Variants in BCKDHB observed in about 807,000 individuals in gnomAD.
The protein encoded by BCKDHB is branched chain keto acid dehydrogenase E1 subunit beta, also known as 2-oxoisovalerate dehydrogenase subunit beta, mitochondrial.
In BCKDHB, 41 loss-of-function variants were observed where a neutral mutation model predicts 48.5. The ratio of observed to expected loss-of-function variants is 0.85; its 90% CI spans 0.66 to 1.10. BCKDHB has a LOEUF of 1.10. BCKDHB is among the 50% of genes least tolerant of loss of function. The pLI is 0.00. For synonymous variants in BCKDHB, 201 were observed against 174.8 expected (o/e 1.15, Z -1.18); for missense variants, 496 against 494.2 (o/e 1.00, Z -0.03).
At chr6:80,348,531 A>G (rs1157351303), downstream of BCKDHB, among the ~76,000 whole-genome samples, 1 of 152,236 alleles carries the variant, frequency 6.6e-6, no homozygotes, top group Non-Finnish European at 1.5e-5. Context: ...GCCCTGATCC[A>G]GACCCAGCCA....
chr6:80,168,377 C>A (rs1772684068), intron 4 of BCKDHB, among the ~76,000 whole-genome samples: 1 of 123,384 alleles, frequency 8.1e-6, no homozygotes, highest in South Asian at 2.7e-4. Flanking sequence ...AAGGGAAAGA[C>A]AAGACCCTGT....
chr6:80,199,772 A>T (rs1488894927), intron 6 of BCKDHB, among the ~76,000 whole-genome samples: 9 of 31,348 alleles, frequency 2.9e-4, no homozygotes, highest in African/African-American at 8.3e-4. Flanking sequence ...ACTCTGTCTC[A>T]AAAAAAAAAA....
At chr6:80,269,280 T>A (rs1205952137) in intron 8 of BCKDHB, among the ~76,000 whole-genome samples, 1 of 152,138 alleles carries the variant, frequency 6.6e-6, no homozygotes, top group African/African-American at 2.4e-5. Context: ...ATGCCGTGTG[T>A]ACGGAGCTGG....
the BCKDHB span, among the ~76,000 whole-genome samples, chr6:80,397,245 G>T: frequency 6.6e-6 from 1 of 152,114 alleles, no homozygotes; most frequent in South Asian, 2.1e-4. Context: ...ACTTTTTAAG[G>T]GTATTTGGAG....
chr6:80,192,972 C>T (rs1442238518), intron 6 of BCKDHB, among the ~76,000 whole-genome samples: 1 of 151,918 alleles, frequency 6.6e-6, no homozygotes, highest in Non-Finnish European at 1.5e-5. Context: ...GCACGTGCCA[C>T]CATGCCTGGC....
chr6:80,254,818 G>C lies in BCKDHB; in HGVS notation c.952-18317G>C, dbSNP rs944416216. On this transcript the variant is annotated intron_variant, in intron 8 of 9. Coordinates refer to ENST00000320393, the MANE Select transcript of BCKDHB (RefSeq NM_183050.4). Reference sequence around the variant, plus strand: ...AGATGATTTCCCTCTCAGAGTCTCTGATAAGGAAACAACTCTGTTGACAGC... The same window carrying C: ...AGATGATTTCCCTCTCAGAGTCTCTCATAAGGAAACAACTCTGTTGACAGC... Among the ~76,000 whole-genome samples the C allele has an allele frequency of 1.3e-5, 2 of 152,214 alleles. 1 individual carries two copies. Among genetic ancestry groups the C allele is most frequent in the Admixed American group, 1.3e-4 (2 of 15,282 alleles).
chr6:80,311,303 C>T (rs990470395), intron 9 of BCKDHB, among the ~76,000 whole-genome samples: 2 of 152,152 alleles, frequency 1.3e-5, no homozygotes, highest in Non-Finnish European at 2.9e-5. Context: ...TTGTAAATTG[C>T]CCAGTCTCGG....
chr6:80,113,263 C>T (rs1466616696), intron 1 of BCKDHB, among the ~76,000 whole-genome samples: 2 of 152,244 alleles, frequency 1.3e-5, no homozygotes, highest in Admixed American at 6.5e-5. Context: ...CTCCTTCCCC[C>T]TCCTGGTATG....
chr6:80,285,418 G>A (rs564147716), intron 9 of BCKDHB, among the ~76,000 whole-genome samples: 87 of 152,108 alleles, frequency 5.7e-4, no homozygotes, highest in African/African-American at 1.8e-3. Flanking sequence ...AATAAAACCC[G>A]TGTACTTTAT....
At chr6:80,110,451 A>G (rs1041550389) in intron 1 of BCKDHB, among the ~76,000 whole-genome samples, 6 of 152,184 alleles carry the variant, frequency 3.9e-5, no homozygotes, top group Admixed American at 1.3e-4. Flanking sequence ...ATACTGGAGT[A>G]TACTCCCATT....
intron 9 of BCKDHB, among the ~76,000 whole-genome samples, chr6:80,293,907 T>G (rs1767077069): frequency 1.3e-5 from 2 of 152,138 alleles, no homozygotes; most frequent in Admixed American, 1.3e-4. Flanking sequence ...TTTACACCAT[T>G]TCCCAACAAG....
intron 8 of BCKDHB, among the ~76,000 whole-genome samples, chr6:80,270,145 T>C (rs944829301): frequency 6.6e-6 from 1 of 152,120 alleles, no homozygotes; most frequent in African/African-American, 2.4e-5. Context: ...TTGTGAATGA[T>C]AAAAAGCATA....
chr6:80,422,172 G>T, the BCKDHB span, among the ~76,000 whole-genome samples: 66 of 152,268 alleles, frequency 4.3e-4, no homozygotes, highest in African/African-American at 1.5e-3. Flanking sequence ...TCCATCCCCA[G>T]TCCTGGCTAA....
intron 8 of BCKDHB, among the ~76,000 whole-genome samples, chr6:80,211,811 T>C (rs1774946694): frequency 6.6e-6 from 1 of 152,174 alleles, no homozygotes; most frequent in African/African-American, 2.4e-5. Flanking sequence ...AGAGGACTTT[T>C]ACAGCTGGGC....
At chr6:80,240,070 T>G (rs1325652012) in intron 8 of BCKDHB, among the ~76,000 whole-genome samples, 7 of 152,208 alleles carry the variant, frequency 4.6e-5, no homozygotes, top group Non-Finnish European at 1.0e-4. Context: ...TGCTTAGAAT[T>G]GTCTTGGGAA....
At chr6:80,419,833 TA>T in the BCKDHB span, among the ~76,000 whole-genome samples, 1 of 152,192 alleles carries the variant, frequency 6.6e-6, no homozygotes, top group African/African-American at 2.4e-5. Context: ...CTCTTTTAAT[TA>T]TTTTTTTTCT....
At chr6:80,404,199 C>T in the BCKDHB span, among the ~76,000 whole-genome samples, 1 of 151,880 alleles carries the variant, frequency 6.6e-6, no homozygotes, top group Non-Finnish European at 1.5e-5. Context: ...GCCAACAGAT[C>T]CTAGTCTTTC....
At chr6:80,439,272 C>T in the BCKDHB span, among the ~76,000 whole-genome samples, 4 of 152,016 alleles carry the variant, frequency 2.6e-5, no homozygotes, top group Non-Finnish European at 5.9e-5. Flanking sequence ...GGAACTCAGT[C>T]GCATTTACTA....
the BCKDHB span, among the ~76,000 whole-genome samples, chr6:80,455,180 G>A: frequency 6.6e-6 from 1 of 152,124 alleles, no homozygotes; most frequent in African/African-American, 2.4e-5. Context: ...GAGAGGAAGT[G>A]TAGAGATGTA....
Sources: allele counts gnomAD v4.1 joint callset (sites outside exome capture counted in the v4.1 genomes callset), GRCh38; gene constraint gnomAD v4.1.1; transcripts MANE v1.5; gene names NCBI Gene and HGNC (gene_info 2026-07-23, HGNC 2026-07-21).